Variants in PTPRM observed in about 807,000 individuals in gnomAD.
PTPRM encodes protein tyrosine phosphatase receptor type M.
PTPRM carries 47 observed loss-of-function variants against 186.7 expected under a neutral mutation model. The ratio of observed to expected loss-of-function variants is 0.25; its 90% confidence interval spans 0.20 to 0.32. The LOEUF (loss-of-function observed/expected upper bound fraction) is 0.32. Ranked by LOEUF, PTPRM falls within the 10% of genes least tolerant of loss-of-function variation. The pLI, the probability that PTPRM is intolerant of heterozygous loss-of-function variation, is 1.00. For synonymous variants in PTPRM, 668 were observed against 674.9 expected (o/e 0.99, Z 0.16); for missense variants, 1,494 against 1,865.0 (o/e 0.80, Z 3.66).
At chr18:7,906,222 A>T (rs1474500378) in intron 3 of PTPRM, among the ~76,000 whole-genome samples, 1 of 152,116 alleles carries the variant, frequency 6.6e-6, no homozygotes, top group African/African-American at 2.4e-5. Context: ...CCTACAGTGT[A>T]TGTGTCATCC....
chr18:7,736,453 G>A (rs2040772644), intron 1 of PTPRM, among the ~76,000 whole-genome samples: 1 of 152,106 alleles, frequency 6.6e-6, no homozygotes, highest in African/African-American at 2.4e-5. Flanking sequence ...CCAAGTAGCT[G>A]GGATTGTAGC....
chr18:7,717,790 G>C lies in PTPRM; in HGVS notation c.74-56359G>C, dbSNP rs115158646. Among the ~76,000 whole-genome samples, 725 of 152,320 alleles carry C rather than the reference G, an allele frequency of 4.8e-3. 4 individuals carry two copies. The highest frequency in any genetic ancestry group is 0.017 in the African/African-American group (708 of 41,582). ...GTGCTAAAGCATCTAGCTGGTTCCA[G>C]CACCCACTCACCTGTGTGCTCCCTC... On this transcript the variant is annotated intron_variant, in intron 1 of 32. Transcript: ENST00000580170.
At chr18:7,715,643 A>C (rs146121271) in intron 1 of PTPRM, among the ~76,000 whole-genome samples, 108 of 152,346 alleles carry the variant, frequency 7.1e-4, no homozygotes, top group Middle Eastern at 6.8e-3. Flanking sequence ...TAAGCTGATA[A>C]GCAACTTCAG....
At chr18:7,806,384 G>C (rs369112300) in intron 2 of PTPRM, among the ~76,000 whole-genome samples, 12 of 152,228 alleles carry the variant, frequency 7.9e-5, no homozygotes, top group East Asian at 7.7e-4. Context: ...GTGATAGCTA[G>C]TCAGCAGACA....
chr18:8,253,922 CCT>C (rs2094552504), intron 19 of PTPRM, among the ~76,000 whole-genome samples: 1 of 152,012 alleles, frequency 6.6e-6, no homozygotes, highest in African/African-American at 2.4e-5. Flanking sequence ...GTTTTTTTTC[CCT>C]TTTTTTCTTC....
At chr18:7,992,324 G>C (rs2083308889) in intron 7 of PTPRM, among the ~76,000 whole-genome samples, 1 of 152,106 alleles carries the variant, frequency 6.6e-6, no homozygotes, top group Non-Finnish European at 1.5e-5. Flanking sequence ...CTACAATCAA[G>C]TAATTGCTTC....
chr18:7,572,735 T>C (rs972765977), intron 1 of PTPRM, among the ~76,000 whole-genome samples: 1 of 152,206 alleles, frequency 6.6e-6, no homozygotes, highest in African/African-American at 2.4e-5. Context: ...AAACCAACTT[T>C]CCTATAGTTT....
chr18:7,779,244 T>C (rs1365518200), intron 2 of PTPRM, among the ~76,000 whole-genome samples: 2 of 152,346 alleles, frequency 1.3e-5, no homozygotes, highest in South Asian at 4.1e-4. Flanking sequence ...ATATCAGTGT[T>C]GGGAAAACAT....
chr18:7,835,188 C>CT (rs58193493), intron 2 of PTPRM, among the ~76,000 whole-genome samples: 3,628 of 127,574 alleles, frequency 0.028, 134 homozygotes, highest in African/African-American at 0.085. Flanking sequence ...TGACATTTTT[C>CT]TTTTTTTTTT....
At chr18:7,789,620 G>A in intron 2 of PTPRM, among the ~76,000 whole-genome samples, 1 of 152,120 alleles carries the variant, frequency 6.6e-6, no homozygotes, top group East Asian at 1.9e-4. Flanking sequence ...GGCTGAAAAC[G>A]CTAAGATTTG....
intron 1 of PTPRM, among the ~76,000 whole-genome samples, chr18:7,727,556 AT>A (rs1206649799): frequency 6.6e-6 from 1 of 152,136 alleles, no homozygotes; most frequent in Non-Finnish European, 1.5e-5. Context: ...CAAGTAACTG[AT>A]TTTTTTGTGG....
intron 23 of PTPRM, among the ~76,000 whole-genome samples, chr18:8,355,836 G>C (rs1191978861): frequency 6.6e-6 from 1 of 152,194 alleles, no homozygotes; most frequent in Non-Finnish European, 1.5e-5. Context: ...CAGCTCCAGA[G>C]GGCTAGTGAG....
chr18:7,783,630 G>A (rs939162011), intron 2 of PTPRM, among the ~76,000 whole-genome samples: 1 of 151,960 alleles, frequency 6.6e-6, no homozygotes, highest in Non-Finnish European at 1.5e-5. Flanking sequence ...GGAGTGCAGT[G>A]GCGTGATCAT....
chr18:7,933,555 G>T (rs73380002), intron 5 of PTPRM, among the ~76,000 whole-genome samples: 1,869 of 152,272 alleles, frequency 0.012, 49 homozygotes, highest in African/African-American at 0.043. Context: ...GAACAGGGGG[G>T]ACTGCTATAC....
intron 13 of PTPRM, among the ~76,000 whole-genome samples, chr18:8,143,394 A>C (rs557350660): frequency 6.6e-6 from 1 of 152,300 alleles, no homozygotes; most frequent in African/African-American, 2.4e-5. Flanking sequence ...GTTTGAGAAG[A>C]GTCTCATAGA....
chr18:8,278,002 G>A (rs2094856132), intron 19 of PTPRM, among the ~76,000 whole-genome samples: 1 of 152,166 alleles, frequency 6.6e-6, no homozygotes, highest in African/African-American at 2.4e-5. Context: ...TAGGATTTTG[G>A]TTTCTCAATC....
At chr18:8,090,519 T>C (rs641089) in intron 11 of PTPRM, among the ~76,000 whole-genome samples, 3 of 151,970 alleles carry the variant, frequency 2.0e-5, no homozygotes, top group Admixed American at 2.0e-4. Context: ...TTTTCTATAC[T>C]TGTATCTTAC....
intron 14 of PTPRM, among the ~76,000 whole-genome samples, chr18:8,228,096 G>A (rs113825937): frequency 6.6e-6 from 1 of 152,226 alleles, no homozygotes; most frequent in Non-Finnish European, 1.5e-5. Context: ...GCTCACGTGA[G>A]CTGTGGGTTA....
chr18:8,353,889 A>C (rs185480871), intron 23 of PTPRM, among the ~76,000 whole-genome samples: 96 of 152,302 alleles, frequency 6.3e-4, no homozygotes, highest in African/African-American at 2.1e-3. Context: ...GACATGGCAC[A>C]AACTATGGGA....
Sources: allele counts gnomAD v4.1 joint callset (sites outside exome capture counted in the v4.1 genomes callset), GRCh38; gene constraint gnomAD v4.1.1; transcripts MANE v1.5; gene names NCBI Gene and HGNC (gene_info 2026-07-23, HGNC 2026-07-21).